ARPC2: variants seen among roughly 807,000 people sequenced by gnomAD.
ARPC2 encodes the protein actin-related protein 2/3 complex subunit 2.
ARPC2 carries 4 observed loss-of-function variants against 38.6 expected under a neutral mutation model. The ratio of observed to expected loss-of-function variants is 0.10; its 90% CI spans 0.05 to 0.24. The LOEUF (loss-of-function observed/expected upper bound fraction) is 0.24, where lower values mean the gene tolerates loss of function less well. Ranked by LOEUF, ARPC2 falls within the 10% of genes least tolerant of loss-of-function variation. The pLI is 1.00. For missense variants in ARPC2, 229 were observed against 387.3 expected, an observed-to-expected ratio of 0.59 and a Z score of 3.43; for synonymous variants, 125 against 140.8, an observed-to-expected ratio of 0.89 and a Z score of 0.79.
At chr2:218,246,218 C>CA (rs147821442) in intron 8 of ARPC2, among the ~76,000 whole-genome samples, 4,570 of 116,212 alleles carry the variant, frequency 0.039, 72 homozygotes, top group Middle Eastern at 0.044. Context: ...CTCTTGTCTC[C>CA]AAAAAAAAAA....
In ARPC2 at chr2:218,254,062, T is replaced by C; in HGVS notation, c.*147T>C. On this transcript the variant is annotated 3_prime_UTR_variant, in exon 11 of 11. Coordinates refer to ENST00000315717, the MANE Select transcript of ARPC2 (RefSeq NM_152862.3). Reference sequence around the variant, plus strand: ...TTTTGTACACGTTTGGAAAATAATCTGCAGAAACGAGCTGTGCTTGCAAAG... The same window carrying C: ...TTTTGTACACGTTTGGAAAATAATCCGCAGAAACGAGCTGTGCTTGCAAAG... 1.1e-6 allele frequency: 1 copy of C among 951,154 alleles called. No individual in the cohort carries two copies. 58.9% of individuals were successfully genotyped at this position (951,154 alleles called of 1,614,324 possible).
At chr2:218,242,697 A>G (rs1329133197) in intron 7 of ARPC2, among the ~76,000 whole-genome samples, 1 of 152,188 alleles carries the variant, frequency 6.6e-6, no homozygotes, top group Non-Finnish European at 1.5e-5. Flanking sequence ...TAAAGGTGGT[A>G]TCTGTGTCTG....
In ARPC2 at chr2:218,221,676, T is replaced by G. The variant is rs139490117; in HGVS notation, c.74+4132T>G. ...CAGTAAATTGGTTTATTGAAGAAAT[T>G]AATGAAGCCAGATAGAATGATTCCT... On this transcript the variant is annotated intron_variant, in intron 2 of 10. Coordinates refer to ENST00000315717, the MANE Select transcript of ARPC2 (RefSeq NM_152862.3). Among the ~76,000 whole-genome samples the G allele has an allele frequency of 2.6e-3, 398 of 152,342 alleles. 2 individuals are homozygous for G. Among genetic ancestry groups the G allele is most frequent in the Admixed American group, 3.5e-3 (53 of 15,300 alleles).
chr2:218,252,863 G>C, intron 10 of ARPC2: 1 of 456,136 alleles, frequency 2.2e-6, no homozygotes, highest in South Asian at 1.5e-5. Flanking sequence ...AGGAAGGGAT[G>C]AATCCTTAAA....
At chr2:218,253,502 G>A (rs184064612) in intron 10 of ARPC2, among the ~76,000 whole-genome samples, 2 of 152,348 alleles carry the variant, frequency 1.3e-5, no homozygotes, top group Admixed American at 1.3e-4. Flanking sequence ...AGCCCTGAGA[G>A]GTATACACTG....
chr2:218,239,255 C>T, intron 6 of ARPC2, 136 bp from the exon 7 acceptor site: 1 of 638,752 alleles, frequency 1.6e-6, no homozygotes, highest in Non-Finnish European at 2.7e-6. Flanking sequence ...CCATAAATAT[C>T]ATCTCATTTG....
chr2:218,231,158 A>T (rs570200690), intron 4 of ARPC2, among the ~76,000 whole-genome samples: 162 of 152,312 alleles, frequency 1.1e-3, no homozygotes, highest in African/African-American at 3.7e-3. Context: ...TTAAAGGTGG[A>T]ATGCCTCTGC....
At chr2:218,239,713 C>T (rs945354413) in intron 7 of ARPC2, among the ~76,000 whole-genome samples, 1 of 151,708 alleles carries the variant, frequency 6.6e-6, no homozygotes, top group Non-Finnish European at 1.5e-5. Flanking sequence ...CCTGCCTCAA[C>T]CTCCTGAGTA....
At chr2:218,243,315 T>G (rs528826137) in intron 7 of ARPC2, among the ~76,000 whole-genome samples, 17 of 152,228 alleles carry the variant, frequency 1.1e-4, no homozygotes, top group Non-Finnish European at 2.4e-4. Flanking sequence ...AGAGAAATAA[T>G]CTGATGCTCA....
At position 218,223,170 on chromosome 2, in the gene ARPC2, G is replaced by C. The variant is rs1055973693; in HGVS notation, c.75-2750G>C. On this transcript the variant is annotated intron_variant, in intron 2 of 10. Coordinates refer to ENST00000315717, the MANE Select transcript of ARPC2 (RefSeq NM_152862.3). ...AACCATGGTCTGAAAATATTAAATG[G>C]AAAATCCCAGAAATAAACAATCCAT... Among the ~76,000 whole-genome samples the C allele has an allele frequency of 1.8e-4, 28 of 152,166 alleles. 1 individual carries two copies. Among genetic ancestry groups the C allele is most frequent in the Admixed American group, 4.6e-4 (7 of 15,272 alleles).
chr2:218,240,999 G>C (rs900334449), intron 7 of ARPC2, among the ~76,000 whole-genome samples: 1 of 152,196 alleles, frequency 6.6e-6, no homozygotes, highest in Admixed American at 6.5e-5. Context: ...GTTAGTTGCT[G>C]CCTCTAGGAT....
chr2:218,223,957 G>A (rs577083186), intron 2 of ARPC2, among the ~76,000 whole-genome samples: 3 of 152,148 alleles, frequency 2.0e-5, no homozygotes, highest in African/African-American at 4.8e-5. Context: ...CAAACTCATC[G>A]TTAAGGCACT....
intron 8 of ARPC2, among the ~76,000 whole-genome samples, chr2:218,248,274 G>A (rs1251019058): frequency 2.0e-5 from 3 of 152,144 alleles, no homozygotes; most frequent in Non-Finnish European, 4.4e-5. Context: ...TTCAGGCCAG[G>A]GCACATTGAC....
At position 218,254,106 on chromosome 2, in the gene ARPC2, A is replaced by AC; in HGVS notation, c.*191_*192insC. ...TGCAAAGACTTCATAGTTCCCAAGA[A>AC]TTAAAAAAAAAAAAAAAAGAATTCC... On this transcript the variant is annotated 3_prime_UTR_variant, in exon 11 of 11. Transcript: ENST00000315717. The AC allele has an allele frequency of 1.9e-6, 1 of 525,926 alleles. No homozygotes were observed. 32.6% of individuals were successfully genotyped at this position (525,926 alleles called of 1,614,324 possible). A position where few individuals can be genotyped will look rare whatever the true frequency, so the allele number is the denominator to read the frequency against.
rs780413026 is a variant in ARPC2, at chr2:218,238,677, T to C, written c.282T>C (p.Ser94=). ...LVNPESGYNV[S]LLYDLENLPA... is the part of the protein sequence containing the mutation. ...CTTTCCCTCCAGGATACAATGTCTC[T>C]TTGCTATATGACCTTGAAAATCTTC... Residue 94 remains serine (S), a synonymous_variant, in exon 6 of 11, where the codon TCT becomes TCC. Coordinates refer to ENST00000315717, the MANE Select transcript of ARPC2 (RefSeq NM_152862.3). 1.8e-5 allele frequency: 29 copies of C among 1,611,198 alleles called. No homozygotes were observed. The highest frequency in any genetic ancestry group is 2.7e-5 in the African/African-American group (2 of 74,656).
chr2:218,229,202 T>C (rs1019547667), intron 4 of ARPC2: 17 of 156,304 alleles, frequency 1.1e-4, no homozygotes, highest in South Asian at 1.7e-4. Context: ...TTAAATTTTA[T>C]AGTCTCAGGT....
At chr2:218,231,700 A>G (rs1689637824) in intron 4 of ARPC2, among the ~76,000 whole-genome samples, 1 of 152,236 alleles carries the variant, frequency 6.6e-6, no homozygotes, top group Admixed American at 6.5e-5. Context: ...AATAGGAACT[A>G]CAGGTGGCAT....
Position 218,238,670 on chromosome 2 carries a change from A to G in ARPC2, c.275A>G (p.Asn92Ser). 5 of 1,597,876 alleles carry G rather than the reference A, an allele frequency of 3.1e-6. No individual in the cohort carries two copies. The highest frequency in any genetic ancestry group is 3.4e-6 in the Non-Finnish European group (4 of 1,171,284). Residue 92 changes from asparagine (N) to serine (S), a missense_variant, in exon 6 of 11, where the codon AAT (asparagine) becomes AGT (serine). Asn to Ser is a conservative substitution (Grantham distance 46). Around this residue, in one of 3 missense-constraint regions of ARPC2, gnomAD observed 135 missense variants for 214.1 expected, o/e 0.63. Transcript: ENST00000315717. ...GTTTTTTCTTTCCCTCCAGGATACA[A>G]TGTCTCTTTGCTATATGACCTTGAA... ...SFLVNPESGY[N>S]VSLLYDLENL...
intron 10 of ARPC2, among the ~76,000 whole-genome samples, chr2:218,250,423 G>A (rs1258225701): frequency 6.6e-6 from 1 of 152,166 alleles, no homozygotes; most frequent in Non-Finnish European, 1.5e-5. Context: ...CAGCACTTTG[G>A]GAGGCTGAGA....
Sources: gnomAD v4.1 joint callset for allele counts (sites outside exome capture counted in the v4.1 genomes callset) on GRCh38, gnomAD v4.1.1 for gene constraint, gnomAD v4.1.1 regional missense constraint, MANE v1.5 for transcripts, NCBI Gene and HGNC (gene_info 2026-07-23, HGNC 2026-07-21) for gene names.